VOPP1: variants seen among roughly 807,000 people sequenced by gnomAD.
The protein encoded by VOPP1 is VOPP1 WW domain binding protein, also known as WW domain binding protein VOPP1.
Under a neutral mutation model 23.5 loss-of-function variants are expected in VOPP1, and 8 were observed. The ratio of observed to expected loss-of-function variants is 0.34; its 90% CI spans 0.20 to 0.61. The LOEUF (loss-of-function observed/expected upper bound fraction) is 0.61. VOPP1 is among the 20% of genes least tolerant of loss of function. VOPP1 has a pLI of 0.78. For synonymous variants in VOPP1, 83 were observed against 97.3 expected (o/e 0.85, Z 0.86); for missense variants, 174 against 238.1 (o/e 0.73, Z 1.77).
At chr7:55,518,387 G>T (rs531390707) in intron 2 of VOPP1, among the ~76,000 whole-genome samples, 1 of 152,194 alleles carries the variant, frequency 6.6e-6, no homozygotes, top group Non-Finnish European at 1.5e-5. Flanking sequence ...AACTCTGCAC[G>T]AACATGATTG....
At chr7:55,494,087 G>T (rs1583909451) in intron 3 of VOPP1, among the ~76,000 whole-genome samples, 1 of 152,172 alleles carries the variant, frequency 6.6e-6, no homozygotes, top group East Asian at 1.9e-4. Flanking sequence ...TGGAGGCTCA[G>T]TCCCCATGAT....
At chr7:55,443,846 T>A (rs901551771) in intron 4 of VOPP1, among the ~76,000 whole-genome samples, 58 of 152,256 alleles carry the variant, frequency 3.8e-4, no homozygotes, top group African/African-American at 1.3e-3. Flanking sequence ...TTTCACCGTG[T>A]TGCCCAGGCT....
At chr7:55,518,527 C>G (rs765899247) in intron 2 of VOPP1, among the ~76,000 whole-genome samples, 14 of 152,166 alleles carry the variant, frequency 9.2e-5, no homozygotes, top group Non-Finnish European at 2.1e-4. Flanking sequence ...GCCAAAACAG[C>G]AGGGGAGGAA....
chr7:55,502,540 C>T (rs1232891451), intron 2 of VOPP1, among the ~76,000 whole-genome samples: 1 of 152,218 alleles, frequency 6.6e-6, no homozygotes, highest in Non-Finnish European at 1.5e-5. Flanking sequence ...CACACAATTA[C>T]CCAGGTGCTG....
At chr7:55,475,198 T>A (rs1472884426) in intron 4 of VOPP1, among the ~76,000 whole-genome samples, 1 of 152,064 alleles carries the variant, frequency 6.6e-6, no homozygotes, top group East Asian at 1.9e-4. Context: ...CAGAGAGAAC[T>A]TTCGGGGAGA....
At chr7:55,494,448 G>A (rs184210251) in intron 3 of VOPP1, among the ~76,000 whole-genome samples, 4 of 152,072 alleles carry the variant, frequency 2.6e-5, no homozygotes, top group South Asian at 4.2e-4. Flanking sequence ...CTAAAATGTC[G>A]GTTCCACTGC....
intron 1 of VOPP1, among the ~76,000 whole-genome samples, chr7:55,561,011 G>A (rs1024331264): frequency 1.3e-5 from 2 of 152,074 alleles, no homozygotes; most frequent in Non-Finnish European, 2.9e-5. Flanking sequence ...GCTGCTTAGG[G>A]GGCCAGTCAG....
Position 55,521,261 on chromosome 7 carries a change from A to G in VOPP1, c.55-131T>C, listed in dbSNP as rs756093737. ...ATGAAAAGCTGGGATATCGGGGCAGACAATGCATTACAGGGAGAGCCGCCC... is the reference window on the plus strand; with the variant it reads ...ATGAAAAGCTGGGATATCGGGGCAGGCAATGCATTACAGGGAGAGCCGCCC... On this transcript the variant is annotated intron_variant, in intron 1 of 4. Transcript: ENST00000285279. 2.2e-5 allele frequency: 19 copies of G among 882,814 alleles called. No individual in the cohort carries two copies. In the Admixed American group the frequency reaches 2.4e-4, roughly 11 times the overall value. 54.7% of individuals were successfully genotyped at this position (882,814 alleles called of 1,614,324 possible).
In VOPP1 at chr7:55,521,143, G is replaced by A; in HGVS notation, c.55-13C>T. On this transcript the variant is annotated splice_polypyrimidine_tract_variant and intron_variant, in intron 1 of 4. Transcript: ENST00000285279. ...TGGCTTCTGTGCACTGCAAATAGAAGCAAGAAAAAGTTTGTCAGTACTCAG... is the reference window on the plus strand; with the variant it reads ...TGGCTTCTGTGCACTGCAAATAGAAACAAGAAAAAGTTTGTCAGTACTCAG... 1 of 1,568,610 alleles carries A rather than the reference G, an allele frequency of 6.4e-7. No homozygotes were observed. Among genetic ancestry groups the A allele is most frequent in the Non-Finnish European group, 8.7e-7 (1 of 1,155,788 alleles).
intron 4 of VOPP1, among the ~76,000 whole-genome samples, chr7:55,449,397 G>T (rs1178924627): frequency 6.6e-6 from 1 of 152,152 alleles, no homozygotes; most frequent in Non-Finnish European, 1.5e-5. Context: ...CGCAGGTCAG[G>T]GACACCCGTC....
At chr7:55,460,995 C>T (rs1209835555) in intron 4 of VOPP1, among the ~76,000 whole-genome samples, 1 of 151,770 alleles carries the variant, frequency 6.6e-6, no homozygotes, top group Non-Finnish European at 1.5e-5. Flanking sequence ...TTTATATATA[C>T]ATATATTATA....
intron 2 of VOPP1, among the ~76,000 whole-genome samples, chr7:55,504,643 A>T (rs972030249): frequency 6.6e-6 from 1 of 152,244 alleles, no homozygotes; most frequent in African/African-American, 2.4e-5. Flanking sequence ...TTCCATGACC[A>T]TGGGCACTGT....
intron 4 of VOPP1, among the ~76,000 whole-genome samples, chr7:55,477,148 A>G (rs1049931952): frequency 6.6e-6 from 1 of 152,126 alleles, no homozygotes; most frequent in Non-Finnish European, 1.5e-5. Flanking sequence ...GCTGCCTGTC[A>G]CTGCCTTCCC....
intron 1 of VOPP1, among the ~76,000 whole-genome samples, chr7:55,559,934 C>T (rs1420556991): frequency 1.3e-5 from 2 of 152,220 alleles, no homozygotes; most frequent in African/African-American, 2.4e-5. Context: ...CAGGCGATCA[C>T]CTGAGGTCAG....
intron 4 of VOPP1, among the ~76,000 whole-genome samples, chr7:55,438,162 TG>T: frequency 6.6e-6 from 1 of 152,176 alleles, no homozygotes; most frequent in Non-Finnish European, 1.5e-5. Context: ...CCCAAAGTGC[TG>T]GGATTACAGG....
chr7:55,506,788 G>A (rs889984341), intron 2 of VOPP1, among the ~76,000 whole-genome samples: 5 of 152,026 alleles, frequency 3.3e-5, no homozygotes, highest in African/African-American at 7.3e-5. Context: ...ACAGGTGTGC[G>A]CCGCCATGCC....
At chr7:55,562,054 G>A in intron 1 of VOPP1, 1 of 703,356 alleles carries the variant, frequency 1.4e-6, no homozygotes. Context: ...ATGTGCATCT[G>A]TTAAAAAATA....
chr7:55,516,933 T>TATATATATATATATA (rs1491552728), intron 2 of VOPP1, among the ~76,000 whole-genome samples: 1 of 36,030 alleles, frequency 2.8e-5, no homozygotes, highest in African/African-American at 1.4e-4. Flanking sequence ...TATATATATA[T>TATATATATATATATA]TTTTTTTTTT....
At chr7:55,569,489 G>A (rs770372624) in intron 1 of VOPP1, among the ~76,000 whole-genome samples, 3 of 152,198 alleles carry the variant, frequency 2.0e-5, no homozygotes, top group Non-Finnish European at 4.4e-5. Flanking sequence ...AGAGGAAGCA[G>A]AGCATCGAGG....
Sources: allele counts gnomAD v4.1 joint callset (sites outside exome capture counted in the v4.1 genomes callset), GRCh38; gene constraint gnomAD v4.1.1; transcripts MANE v1.5; gene names NCBI Gene and HGNC (gene_info 2026-07-23, HGNC 2026-07-21).